Variants in LRBA observed in about 807,000 individuals in gnomAD.
LRBA encodes the protein LPS responsive beige-like anchor protein, also known as lipopolysaccharide-responsive and beige-like anchor protein.
Under a neutral mutation model 330.0 loss-of-function variants are expected in LRBA, and 176 were observed. The ratio of observed to expected loss-of-function variants is 0.53; its 90% confidence interval spans 0.47 to 0.60. The LOEUF is 0.60. Ranked by LOEUF, LRBA falls within the 20% of genes least tolerant of loss-of-function variation. The probability of loss-of-function intolerance (pLI) is 0.00; values close to 1 mark genes in which losing one functional copy is unlikely to be tolerated. For synonymous variants in LRBA, 1,230 were observed against 1,193.0 expected (o/e 1.03, Z -0.64); for missense variants, 3,259 against 3,444.8 (o/e 0.95, Z 1.35).
intron 28 of LRBA, among the ~76,000 whole-genome samples, chr4:150,833,333 C>T (rs1578930515): frequency 6.6e-6 from 1 of 151,796 alleles, no homozygotes; most frequent in African/African-American, 2.4e-5. Flanking sequence ...AAAGAAAAAA[C>T]TCAAATTTAT....
chr4:150,934,484 A>T (rs1734857955), intron 2 of LRBA, among the ~76,000 whole-genome samples: 1 of 152,236 alleles, frequency 6.6e-6, no homozygotes. Context: ...GCCCTGAGGA[A>T]ATAGTGGAAC....
intron 2 of LRBA, among the ~76,000 whole-genome samples, chr4:150,985,910 C>G (rs998767244): frequency 6.6e-6 from 1 of 152,116 alleles, no homozygotes; most frequent in African/African-American, 2.4e-5. Flanking sequence ...TCCTACTACT[C>G]TAATTTTAAA....
At chr4:150,644,339 C>T (rs1435117472) in intron 37 of LRBA, among the ~76,000 whole-genome samples, 2 of 151,764 alleles carry the variant, frequency 1.3e-5, no homozygotes, top group Non-Finnish European at 2.9e-5. Context: ...AACAGAATCT[C>T]TTCAGAAAAA....
chr4:150,927,582 T>A (rs1330616259), intron 4 of LRBA, among the ~76,000 whole-genome samples: 3 of 152,018 alleles, frequency 2.0e-5, no homozygotes, highest in Non-Finnish European at 4.4e-5. Flanking sequence ...ATATCTGTAA[T>A]TGGAGTCCCA....
intron 46 of LRBA, among the ~76,000 whole-genome samples, chr4:150,429,109 A>C (rs115444346): frequency 4.7e-4 from 71 of 152,232 alleles, no homozygotes; most frequent in African/African-American, 1.6e-3. Context: ...TAAGCATGAG[A>C]TAAGTATGTC....
At chr4:150,811,581 C>T (rs1018120797) in intron 31 of LRBA, among the ~76,000 whole-genome samples, 4 of 152,164 alleles carry the variant, frequency 2.6e-5, no homozygotes, top group African/African-American at 4.8e-5. Context: ...TAGCTCACCA[C>T]AGCCCTGAGT....
intron 37 of LRBA, among the ~76,000 whole-genome samples, chr4:150,636,579 A>C (rs944375109): frequency 3.2e-4 from 48 of 152,162 alleles, no homozygotes; most frequent in African/African-American, 1.2e-3. Context: ...CTTTAGGTGC[A>C]TTCATTGCTA....
chr4:150,323,714 T>C lies in LRBA; in HGVS notation c.7452+2095A>G, dbSNP rs141773833. 7.9e-5 allele frequency among the ~76,000 whole-genome samples: 12 copies of C among 152,352 alleles called. No individual in the cohort carries two copies. The East Asian group carries it at 2.1e-3, about 27-fold the overall frequency. ...GGAAACTCTCTTGGGCGTTTCATCATATATCCTTGGCTAAAAAGCATGAAT... is the reference window on the plus strand; with the variant it reads ...GGAAACTCTCTTGGGCGTTTCATCACATATCCTTGGCTAAAAAGCATGAAT... On this transcript the variant is annotated intron_variant, in intron 49 of 56. Transcript: ENST00000651943.
intron 37 of LRBA, among the ~76,000 whole-genome samples, chr4:150,667,099 T>A (rs1781632141): frequency 6.6e-6 from 1 of 152,148 alleles, no homozygotes; most frequent in African/African-American, 2.4e-5. Context: ...ACGGTCTTAA[T>A]CACTATACCA....
At chr4:150,296,505 GTAATGATATACTTAGA>G (rs1305199121) in intron 53 of LRBA, among the ~76,000 whole-genome samples, 1 of 152,090 alleles carries the variant, frequency 6.6e-6, no homozygotes, top group Non-Finnish European at 1.5e-5. Flanking sequence ...TAAATGAAAT[GTAATGATATACTTAGA>G]TAATGGCCCT....
chr4:150,346,785 AAAC>A (rs1414308461), intron 48 of LRBA, among the ~76,000 whole-genome samples: 5 of 127,780 alleles, frequency 3.9e-5, no homozygotes, highest in African/African-American at 1.4e-4. Context: ...AAAAAAAAAA[AAAC>A]ACTTATTTGT....
intron 37 of LRBA, among the ~76,000 whole-genome samples, chr4:150,671,031 TGTGTGTGTGTGAGA>T (rs1486631180): frequency 5.4e-5 from 8 of 147,618 alleles, no homozygotes; most frequent in Non-Finnish European, 9.0e-5. Flanking sequence ...TGTGTGTGTG[TGTGTGTGTGTGAGA>T]GAGAGAGAGA....
intron 46 of LRBA, chr4:150,422,863 C>G: frequency 8.3e-7 from 1 of 1,203,872 alleles, no homozygotes; most frequent in African/African-American, 1.5e-5. Context: ...ACGTGATCCA[C>G]CAGGGCCTCC....
intron 51 of LRBA, chr4:150,314,842 T>A (rs948376349): frequency 2.0e-4 from 31 of 152,160 alleles, no homozygotes; most frequent in African/African-American, 7.5e-4. Context: ...TTAAATATTC[T>A]AAGTCATCTG....
At chr4:150,352,901 A>G (rs1347118930) in intron 47 of LRBA, among the ~76,000 whole-genome samples, 1 of 152,214 alleles carries the variant, frequency 6.6e-6, no homozygotes, top group African/African-American at 2.4e-5. Flanking sequence ...ACATTAATGC[A>G]TGACAAACAT....
At chr4:150,318,050 A>G (rs149231133) in intron 50 of LRBA, among the ~76,000 whole-genome samples, 1 of 152,294 alleles carries the variant, frequency 6.6e-6, no homozygotes. Context: ...CAGTGAGGAC[A>G]CTGAGCCCAG....
chr4:150,568,445 CT>C (rs1476335773), intron 40 of LRBA, among the ~76,000 whole-genome samples: 1 of 152,272 alleles, frequency 6.6e-6, no homozygotes, highest in African/African-American at 2.4e-5. Context: ...ATTTTCCCTT[CT>C]TTTATTCCCT....
chr4:150,280,047 C>T (rs1747310937), intron 55 of LRBA, among the ~76,000 whole-genome samples: 1 of 152,176 alleles, frequency 6.6e-6, no homozygotes, highest in Non-Finnish European at 1.5e-5. Context: ...TTAAGTAAAA[C>T]CTGGGCTTTA....
chr4:150,660,767 AC>A (rs1561486673), intron 37 of LRBA, among the ~76,000 whole-genome samples: 4 of 123,310 alleles, frequency 3.2e-5, no homozygotes, highest in Non-Finnish European at 6.9e-5. Flanking sequence ...CTGTGACCTT[AC>A]CCCCAACCCT....
Sources: gnomAD v4.1 joint callset for allele counts (sites outside exome capture counted in the v4.1 genomes callset) on GRCh38, gnomAD v4.1.1 for gene constraint, MANE v1.5 for transcripts, NCBI Gene and HGNC (gene_info 2026-07-23, HGNC 2026-07-21) for gene names.